LRP1B: variants seen among roughly 807,000 people sequenced by gnomAD.
The protein encoded by LRP1B is LDL receptor related protein 1B, also known as low-density lipoprotein receptor-related protein 1B.
In LRP1B, 217 loss-of-function variants were observed where a neutral mutation model predicts 556.6. That is an observed-to-expected ratio of 0.39 (90% CI 0.35 to 0.44). LRP1B has a LOEUF of 0.44. LRP1B is among the 20% of genes least tolerant of loss of function. The pLI, the probability that LRP1B is intolerant of heterozygous loss-of-function variation, is 1.00. For synonymous variants in LRP1B, 2,047 were observed against 1,865.8 expected, an observed-to-expected ratio of 1.10 and a Z score of -2.50; for missense variants, 5,053 against 5,620.8, an observed-to-expected ratio of 0.90 and a Z score of 3.23.
At chr2:141,867,539 T>C (rs191943752) in intron 1 of LRP1B, among the ~76,000 whole-genome samples, 4 of 152,270 alleles carry the variant, frequency 2.6e-5, no homozygotes, top group East Asian at 1.9e-4. Context: ...GAAAGTAAGA[T>C]GACTTAGGTA....
At chr2:140,390,515 A>G (rs1353883065) in intron 66 of LRP1B, among the ~76,000 whole-genome samples, 1 of 152,176 alleles carries the variant, frequency 6.6e-6, no homozygotes, top group African/African-American at 2.4e-5. Flanking sequence ...ATAATGTTGG[A>G]AAAGACAAGG....
intron 7 of LRP1B, among the ~76,000 whole-genome samples, chr2:141,089,117 C>T (rs368865222): frequency 1.4e-4 from 21 of 152,294 alleles, no homozygotes; most frequent in East Asian, 1.4e-3. Context: ...TAGAATGTTA[C>T]GCAGCCATGT....
At chr2:141,272,505 G>A (rs77218671) in intron 3 of LRP1B, among the ~76,000 whole-genome samples, 279 of 152,042 alleles carry the variant, frequency 1.8e-3, no homozygotes, top group African/African-American at 6.3e-3. Flanking sequence ...GATTAAACAC[G>A]AAATCCAAAG....
intron 1 of LRP1B, among the ~76,000 whole-genome samples, chr2:142,036,040 C>T (rs1703866409): frequency 6.6e-6 from 1 of 151,684 alleles, no homozygotes; most frequent in African/African-American, 2.4e-5. Flanking sequence ...GCCTCCCCAG[C>T]CACATGGAAA....
intron 33 of LRP1B, among the ~76,000 whole-genome samples, chr2:140,774,957 G>A (rs922691403): frequency 6.6e-6 from 1 of 152,070 alleles, no homozygotes; most frequent in African/African-American, 2.4e-5. Context: ...TCTCTTGGGT[G>A]CACATACGTT....
rs144382119 is a variant in LRP1B at position 140,522,318 on chromosome 2, G to A, written c.8026+3526C>T. ...TAATATGGAAACTAAAACTTGCTCC[G>A]AATGAATTTTGGGTAAACAATGAAA... On this transcript the variant is annotated intron_variant, in intron 49 of 90. Coordinates refer to ENST00000389484, the MANE Select transcript of LRP1B (RefSeq NM_018557.3). Among the ~76,000 whole-genome samples, 138 of 151,958 alleles carry A rather than the reference G, an allele frequency of 9.1e-4. 1 individual carries two copies. Among genetic ancestry groups the A allele is most frequent in the Non-Finnish European group, 1.3e-3 (86 of 67,904 alleles).
At chr2:141,927,888 T>C (rs1478249187) in intron 1 of LRP1B, among the ~76,000 whole-genome samples, 1 of 90,364 alleles carries the variant, frequency 1.1e-5, no homozygotes, top group Non-Finnish European at 2.0e-5. Context: ...AAACTGAAAC[T>C]CCAACTTGGC....
chr2:140,832,874 T>C (rs1245318601), intron 31 of LRP1B, among the ~76,000 whole-genome samples: 1 of 14,050 alleles, frequency 7.1e-5, no homozygotes, highest in Non-Finnish European at 1.8e-4. Context: ...TAGTTCAAAA[T>C]AGCTAGAAGA....
chr2:140,635,089 T>C (rs997207748), intron 41 of LRP1B, among the ~76,000 whole-genome samples: 10 of 152,224 alleles, frequency 6.6e-5, no homozygotes, highest in Non-Finnish European at 1.5e-5. Flanking sequence ...TCTATAAATC[T>C]CAAATTAATT....
chr2:141,433,268 C>A (rs1481585644), intron 3 of LRP1B, among the ~76,000 whole-genome samples: 1 of 151,890 alleles, frequency 6.6e-6, no homozygotes, highest in African/African-American at 2.4e-5. Flanking sequence ...TTATTTCATT[C>A]CTTTTAAATG....
At chr2:141,378,445 T>C (rs1210589163) in intron 3 of LRP1B, among the ~76,000 whole-genome samples, 3 of 152,088 alleles carry the variant, frequency 2.0e-5, no homozygotes, top group Non-Finnish European at 4.4e-5. Flanking sequence ...TAGGCTGTGG[T>C]GGAATGAACT....
At chr2:141,029,128 A>G (rs942666422) in intron 11 of LRP1B, among the ~76,000 whole-genome samples, 10 of 152,118 alleles carry the variant, frequency 6.6e-5, no homozygotes, top group Admixed American at 2.6e-4. Context: ...GACCATGTCT[A>G]GGGTGTTCAG....
At chr2:141,637,956 T>C (rs1689164021) in intron 2 of LRP1B, among the ~76,000 whole-genome samples, 1 of 152,168 alleles carries the variant, frequency 6.6e-6, no homozygotes, top group Non-Finnish European at 1.5e-5. Flanking sequence ...ATCCCAACTC[T>C]TTAAAAGGCA....
At chr2:141,446,267 A>G (rs1266082800) in intron 3 of LRP1B, among the ~76,000 whole-genome samples, 1 of 152,100 alleles carries the variant, frequency 6.6e-6, no homozygotes, top group Non-Finnish European at 1.5e-5. Flanking sequence ...TGTTTGGTAA[A>G]TATTCCTCCA....
rs1408833226 is a variant in LRP1B, at chr2:141,975,689, T to C, written c.82+154959A>G. ...ACCAATTGTGTCTGATGCCTGCAAG[T>C]GACCAGGCATTAAACTGTGGTGAGT... On this transcript the variant is annotated intron_variant, in intron 1 of 90. Coordinates refer to ENST00000389484, the MANE Select transcript of LRP1B (RefSeq NM_018557.3). Among the ~76,000 whole-genome samples, 5 of 152,126 alleles carry C rather than the reference T, an allele frequency of 3.3e-5. No individual in the cohort carries two copies. The East Asian group carries it at 5.8e-4, about 18-fold the overall frequency.
At chr2:141,589,200 A>G (rs1687242961) in intron 2 of LRP1B, among the ~76,000 whole-genome samples, 1 of 152,012 alleles carries the variant, frequency 6.6e-6, no homozygotes, top group South Asian at 2.1e-4. Flanking sequence ...AACCTTTTAA[A>G]CCTCTCTTTA....
At chr2:141,190,860 G>A (rs1441834359) in intron 6 of LRP1B, among the ~76,000 whole-genome samples, 1 of 151,960 alleles carries the variant, frequency 6.6e-6, no homozygotes, top group East Asian at 1.9e-4. Flanking sequence ...TTGAGAAATA[G>A]CAGGTTGAAG....
At chr2:140,322,618 T>G (rs778818974) in intron 81 of LRP1B, among the ~76,000 whole-genome samples, 5 of 142,842 alleles carry the variant, frequency 3.5e-5, no homozygotes, top group Non-Finnish European at 7.6e-5. Context: ...AAAAGACATG[T>G]CTAAAGTGGC....
At chr2:140,521,197 G>A (rs1013891420) in intron 49 of LRP1B, among the ~76,000 whole-genome samples, 2 of 151,966 alleles carry the variant, frequency 1.3e-5, no homozygotes, top group African/African-American at 4.8e-5. Flanking sequence ...GATAGCCAGA[G>A]ATCTCCTGCA....
Sources: allele counts gnomAD v4.1 joint callset (sites outside exome capture counted in the v4.1 genomes callset), GRCh38; gene constraint gnomAD v4.1.1; transcripts MANE v1.5; gene names NCBI Gene and HGNC (gene_info 2026-07-23, HGNC 2026-07-21).